The following ATP2C2 variants were observed in gnomAD, a reference collection of about 807,000 sequenced individuals.
ATP2C2 encodes ATPase secretory pathway Ca2+ transporting 2, also known as calcium-transporting ATPase type 2C member 2.
ATP2C2 carries 171 observed loss-of-function variants against 110.8 expected under a neutral mutation model. The observed-to-expected ratio is 1.54, with a 90% CI of 1.36 to 1.75. The LOEUF (loss-of-function observed/expected upper bound fraction) is 1.75, where lower values mean the gene tolerates loss of function less well. Among genes scored for constraint, ATP2C2 ranks in the 40% most tolerant of loss-of-function variants. The pLI, the probability that ATP2C2 is intolerant of heterozygous loss-of-function variation, is 0.00. For missense variants in ATP2C2, 1,963 were observed against 1,235.0 expected, an observed-to-expected ratio of 1.59 and a Z score of -8.84; for synonymous variants, 804 against 508.4, an observed-to-expected ratio of 1.58 and a Z score of -7.82.
Position 84,451,974 on chromosome 16 carries a change from G to A in ATP2C2, c.1714G>A (p.Val572Met), listed in dbSNP as rs748209681. Residue 572 changes from valine (V) to methionine (M), a missense_variant, in exon 18 of 27, where the codon GTG (valine) becomes ATG (methionine). Transcript: ENST00000262429. ...GGGGCGGCTGACGTTTCTCGGTCTT[G>A]TGGGCATCATTGACCCCCCGAGAGT... ...ELGRLTFLGL[V>M]GIIDPPRVGV... The A allele has an allele frequency of 6.2e-7, 1 of 1,613,900 alleles. No homozygotes were observed. Among genetic ancestry groups the A allele is most frequent in the South Asian group, 1.1e-5 (1 of 91,052 alleles).
intron 1 of ATP2C2, among the ~76,000 whole-genome samples, chr16:84,382,201 G>A (rs1054987653): frequency 1.3e-5 from 2 of 151,972 alleles, no homozygotes; most frequent in African/African-American, 4.8e-5. Flanking sequence ...CGTTCTCATT[G>A]TTCAACTCCC....
chr16:84,390,460 G>T (rs534308691), intron 1 of ATP2C2, among the ~76,000 whole-genome samples: 1 of 152,316 alleles, frequency 6.6e-6, no homozygotes, highest in East Asian at 1.9e-4. Flanking sequence ...TTTCCTTGGG[G>T]CTAGGGAGGC....
At position 84,463,695 on chromosome 16, in the gene ATP2C2, G is replaced by T; in HGVS notation, c.2804G>T (p.Ser935Ile). 1 of 1,614,172 alleles carries T rather than the reference G, an allele frequency of 6.2e-7. No individual in the cohort carries two copies. The highest frequency in any genetic ancestry group is 8.5e-7 in the Non-Finnish European group (1 of 1,179,998). ...AAACTATGTGAAAAATACTGTTGCA[G>T]CCCCAAGAGAGTCCAGATGCACCCT... is the stretch of plus-strand genomic sequence containing the variant. ...LLKLCEKYCC[S>I]PKRVQMHPED... Residue 935 changes from serine (S) to isoleucine (I), a missense_variant, in exon 27 of 27, where the codon AGC becomes ATC. Coordinates refer to ENST00000262429, the MANE Select transcript of ATP2C2 (RefSeq NM_014861.4).
intron 1 of ATP2C2, among the ~76,000 whole-genome samples, chr16:84,389,685 G>A (rs1281862273): frequency 2.0e-5 from 3 of 151,496 alleles, no homozygotes; most frequent in African/African-American, 7.3e-5. Context: ...CCCTGGTGCT[G>A]GGCTCTGTGC....
At position 84,453,317 on chromosome 16, in the gene ATP2C2, C is replaced by G. The variant is rs376372054; in HGVS notation, c.1930-4C>G. 1 of 1,614,144 alleles carries G rather than the reference C, an allele frequency of 6.2e-7. No homozygotes were observed. Among genetic ancestry groups the G allele is most frequent in the Non-Finnish European group, 8.5e-7 (1 of 1,180,020 alleles). On this transcript the variant is annotated splice_region_variant and splice_polypyrimidine_tract_variant and intron_variant, in intron 19 of 26. Coordinates refer to ENST00000262429, the MANE Select transcript of ATP2C2 (RefSeq NM_014861.4). ...TTCTTCGTCTTCCCCGTCTCCGTGT[C>G]CAGGTGTCCGTGTTCTTCAGGACCA...
intron 15 of ATP2C2, among the ~76,000 whole-genome samples, chr16:84,443,749 C>G (rs1415604806): frequency 3.9e-5 from 6 of 152,190 alleles, no homozygotes; most frequent in African/African-American, 1.4e-4. Context: ...GTCCCTCCCT[C>G]CAGTGCAAGA....
chr16:84,437,048 C>T (rs148456205), intron 11 of ATP2C2, among the ~76,000 whole-genome samples: 1,902 of 152,042 alleles, frequency 0.013, 22 homozygotes, highest in Middle Eastern at 0.041. Context: ...AGGCATGAGC[C>T]GCCACACCCG....
At chr16:84,431,637 G>A (rs886876644) in intron 11 of ATP2C2, among the ~76,000 whole-genome samples, 3 of 151,954 alleles carry the variant, frequency 2.0e-5, no homozygotes, top group African/African-American at 7.3e-5. Flanking sequence ...TTTGGGGGTG[G>A]GAACATATCC....
intron 3 of ATP2C2, chr16:84,406,796 T>G: frequency 3.3e-6 from 1 of 301,656 alleles, no homozygotes; most frequent in Non-Finnish European, 4.9e-6. Flanking sequence ...GCTGGAGATC[T>G]CTTTGCTCTG....
chr16:84,398,305 C>G (rs1905112904), intron 1 of ATP2C2, among the ~76,000 whole-genome samples, 194 bp from the exon 2 acceptor site: 1 of 152,000 alleles, frequency 6.6e-6, no homozygotes, highest in South Asian at 2.1e-4. Flanking sequence ...ACTCGGGAGG[C>G]TGAGACAGAA....
At chr16:84,382,764 C>A (rs568445091) in intron 1 of ATP2C2, among the ~76,000 whole-genome samples, 1 of 152,200 alleles carries the variant, frequency 6.6e-6, no homozygotes, top group African/African-American at 2.4e-5. Flanking sequence ...GGCATGGTGG[C>A]GGGTGCCTGT....
intron 3 of ATP2C2, 146 bp from the exon 4 acceptor site, chr16:84,408,259 T>C (rs1905953259): frequency 1.4e-6 from 1 of 706,890 alleles, no homozygotes; most frequent in East Asian, 2.7e-5. Flanking sequence ...ATGGGGGTGG[T>C]CTCCCCAGCC....
At chr16:84,393,237 A>T (rs1875329952) in intron 1 of ATP2C2, among the ~76,000 whole-genome samples, 1 of 152,196 alleles carries the variant, frequency 6.6e-6, no homozygotes, top group Non-Finnish European at 1.5e-5. Context: ...GAGCTGTGTG[A>T]TTGGAATCAA....
chr16:84,407,984 G>C (rs1320200827), intron 3 of ATP2C2, among the ~76,000 whole-genome samples: 2 of 152,218 alleles, frequency 1.3e-5, no homozygotes, highest in Non-Finnish European at 2.9e-5. Flanking sequence ...GGAGTCCCTA[G>C]AGGCTGTTAC....
At chr16:84,397,670 A>AAAAAAAAAAAAAAAAACAAAC (rs1555553736) in intron 1 of ATP2C2, among the ~76,000 whole-genome samples, 1 of 145,794 alleles carries the variant, frequency 6.9e-6, no homozygotes, top group Non-Finnish European at 1.5e-5. Flanking sequence ...AAAAAAAAAA[A>AAAAAAAAAAAAAAAAACAAAC]AAACTTGCTT....
chr16:84,460,151 A>G, intron 23 of ATP2C2: 1 of 202,698 alleles, frequency 4.9e-6, no homozygotes, highest in African/African-American at 2.3e-5. Context: ...CCTCCCTGGG[A>G]GCAGAAGTGG....
chr16:84,459,545 A>T, intron 23 of ATP2C2, 159 bp downstream of exon 23: 2 of 1,539,986 alleles, frequency 1.3e-6, no homozygotes, highest in South Asian at 1.2e-5. Context: ...CTGCAGTGAG[A>T]CTGGGAGTAG....
chr16:84,413,379 G>A (rs1036920718), intron 6 of ATP2C2, among the ~76,000 whole-genome samples: 3 of 152,108 alleles, frequency 2.0e-5, no homozygotes, highest in African/African-American at 7.2e-5. Context: ...GGAGAATGAC[G>A]AAGGACCAAA....
intron 17 of ATP2C2, among the ~76,000 whole-genome samples, chr16:84,450,029 G>A (rs543251227): frequency 1.1e-4 from 17 of 152,362 alleles, no homozygotes; most frequent in African/African-American, 2.9e-4. Context: ...CAGCGCCTTC[G>A]CCCGGATGTC....
Sources: allele counts gnomAD v4.1 joint callset (sites outside exome capture counted in the v4.1 genomes callset), GRCh38; gene constraint gnomAD v4.1.1; transcripts MANE v1.5; gene names NCBI Gene and HGNC (gene_info 2026-07-23, HGNC 2026-07-21).